Variants in UNC13C observed in about 807,000 individuals in gnomAD.
The protein encoded by UNC13C is protein unc-13 homolog C.
In UNC13C, 174 loss-of-function variants were observed where a neutral mutation model predicts 245.4. That is an observed-to-expected ratio of 0.71 (90% CI 0.63 to 0.80). The LOEUF (loss-of-function observed/expected upper bound fraction) is 0.80. Ranked by LOEUF, UNC13C falls within the 30% of genes least tolerant of loss-of-function variation. UNC13C has a pLI of 0.00. For missense variants in UNC13C, 2,829 were observed against 2,602.9 expected, an observed-to-expected ratio of 1.09 and a Z score of -1.89; for synonymous variants, 992 against 895.1, an observed-to-expected ratio of 1.11 and a Z score of -1.93.
At chr15:54,178,001 C>T (rs2033672537) in intron 4 of UNC13C, among the ~76,000 whole-genome samples, 2 of 152,010 alleles carry the variant, frequency 1.3e-5, no homozygotes, top group South Asian at 4.1e-4. Flanking sequence ...TTAAAATGTG[C>T]ATTTTTATTG....
chr15:53,880,385 T>A, the UNC13C span, among the ~76,000 whole-genome samples: 2 of 152,362 alleles, frequency 1.3e-5, no homozygotes, highest in South Asian at 4.1e-4. Context: ...AGTTAACTTG[T>A]GTTGCGGCTG....
At chr15:54,282,606 G>A (rs1254183706) in intron 10 of UNC13C, among the ~76,000 whole-genome samples, 3 of 152,180 alleles carry the variant, frequency 2.0e-5, no homozygotes, top group African/African-American at 4.8e-5. Flanking sequence ...TGGTGTGTTA[G>A]CAGCTCAGTT....
At chr15:54,459,618 A>C (rs895221215) in intron 19 of UNC13C, among the ~76,000 whole-genome samples, 1 of 151,604 alleles carries the variant, frequency 6.6e-6, no homozygotes, top group Non-Finnish European at 1.5e-5. Flanking sequence ...TCTTTGTCAG[A>C]TTGAGTTAAT....
chr15:54,135,703 C>T (rs1030212085), intron 2 of UNC13C, among the ~76,000 whole-genome samples: 1 of 152,166 alleles, frequency 6.6e-6, no homozygotes, highest in African/African-American at 2.4e-5. Flanking sequence ...ATTACTATAA[C>T]CTTGTAATAT....
At chr15:54,569,017 A>G (rs932547938) in intron 30 of UNC13C, among the ~76,000 whole-genome samples, 1 of 152,182 alleles carries the variant, frequency 6.6e-6, no homozygotes, top group Non-Finnish European at 1.5e-5. Context: ...TTGTCAAGAG[A>G]TGCAGAAATA....
the UNC13C span, among the ~76,000 whole-genome samples, chr15:53,873,915 CCTTCCTTT>C: frequency 8.7e-3 from 165 of 18,862 alleles, 11 homozygotes; most frequent in East Asian, 0.1. Context: ...TTCCTTCCTT[CCTTCCTTT>C]CTTCCTTCCT....
chr15:54,458,138 G>A (rs535038039), intron 19 of UNC13C, among the ~76,000 whole-genome samples: 4 of 151,972 alleles, frequency 2.6e-5, no homozygotes, highest in African/African-American at 7.2e-5. Flanking sequence ...TGATTTCATT[G>A]TTGATCCAAA....
chr15:53,989,749 C>G (rs1220069140), intron 1 of UNC13C, among the ~76,000 whole-genome samples: 2 of 151,958 alleles, frequency 1.3e-5, no homozygotes, highest in African/African-American at 4.8e-5. Flanking sequence ...AAAGTATGAA[C>G]TTATTTATAC....
At chr15:53,866,174 A>G in the UNC13C span, among the ~76,000 whole-genome samples, 12 of 152,230 alleles carry the variant, frequency 7.9e-5, no homozygotes, top group African/African-American at 2.9e-4. Flanking sequence ...TATATCACAT[A>G]AAAATAAATT....
At chr15:54,066,400 T>TA (rs1404122180) in intron 2 of UNC13C, among the ~76,000 whole-genome samples, 1 of 152,246 alleles carries the variant, frequency 6.6e-6, no homozygotes, top group African/African-American at 2.4e-5. Flanking sequence ...TTATGTTTGT[T>TA]AGAGTTAGTC....
intron 22 of UNC13C, among the ~76,000 whole-genome samples, chr15:54,504,284 T>C (rs897752028): frequency 3.3e-5 from 5 of 152,214 alleles, no homozygotes; most frequent in African/African-American, 1.2e-4. Context: ...TATTTATTTC[T>C]ATTCCTTGTT....
chr15:54,132,074 C>CTTTTTCTTTTTTTCTTTT (rs1555420958), intron 2 of UNC13C, among the ~76,000 whole-genome samples: 45 of 110,670 alleles, frequency 4.1e-4, no homozygotes, highest in African/African-American at 1.4e-3. Context: ...TTTTCTTTTT[C>CTTTTTCTTTTTTTCTTTT]TTTTTTTTTT....
At chr15:54,348,623 C>G (rs1370272238) in intron 17 of UNC13C, among the ~76,000 whole-genome samples, 1 of 152,104 alleles carries the variant, frequency 6.6e-6, no homozygotes, top group Non-Finnish European at 1.5e-5. Flanking sequence ...GGCAACTTAC[C>G]TGAATTTAAA....
At chr15:54,032,509 G>T (rs1041157620) in intron 2 of UNC13C, among the ~76,000 whole-genome samples, 1 of 152,084 alleles carries the variant, frequency 6.6e-6, no homozygotes, top group African/African-American at 2.4e-5. Context: ...TTAGCACAAG[G>T]TATCCAATTT....
chr15:54,455,637 G>C (rs745679764), intron 19 of UNC13C, among the ~76,000 whole-genome samples: 14 of 147,864 alleles, frequency 9.5e-5, no homozygotes, highest in African/African-American at 2.5e-4. Context: ...TTTCATGTTT[G>C]TTGGCCATTT....
intron 2 of UNC13C, among the ~76,000 whole-genome samples, chr15:54,031,525 G>T (rs1210854250): frequency 6.6e-6 from 1 of 152,206 alleles, no homozygotes; most frequent in African/African-American, 2.4e-5. Context: ...ACACACATCA[G>T]GCTGGGCTTG....
intron 24 of UNC13C, among the ~76,000 whole-genome samples, chr15:54,515,913 G>A (rs992604930): frequency 9.9e-5 from 15 of 152,176 alleles, no homozygotes; most frequent in Non-Finnish European, 2.9e-5. Context: ...TCCCATGAGA[G>A]TAACTTCACA....
intron 19 of UNC13C, among the ~76,000 whole-genome samples, chr15:54,424,455 T>A (rs1232431024): frequency 6.6e-6 from 1 of 151,868 alleles, no homozygotes; most frequent in African/African-American, 2.4e-5. Flanking sequence ...AGAAATGACC[T>A]CCTGTTGGTT....
chr15:53,883,760 C>G, the UNC13C span, among the ~76,000 whole-genome samples: 1 of 152,096 alleles, frequency 6.6e-6, no homozygotes, highest in Non-Finnish European at 1.5e-5. Flanking sequence ...AGGAAAAATC[C>G]TCGGGCTTGA....
Sources: gnomAD v4.1 joint callset for allele counts (sites outside exome capture counted in the v4.1 genomes callset) on GRCh38, gnomAD v4.1.1 for gene constraint, MANE v1.5 for transcripts, NCBI Gene and HGNC (gene_info 2026-07-23, HGNC 2026-07-21) for gene names.